Variants in GPC5 observed in about 807,000 individuals in gnomAD.
GPC5 encodes glypican-5.
GPC5 carries 47 observed loss-of-function variants against 53.9 expected under a neutral mutation model. The observed-to-expected ratio is 0.87, with a 90% CI of 0.69 to 1.11. The LOEUF (loss-of-function observed/expected upper bound fraction) is 1.11. GPC5 is among the 50% of genes most tolerant of loss of function. GPC5 has a pLI of 0.00. For synonymous variants in GPC5, 286 were observed against 263.3 expected, an observed-to-expected ratio of 1.09 and a Z score of -0.84; for missense variants, 748 against 713.1, an observed-to-expected ratio of 1.05 and a Z score of -0.56.
chr13:91,408,643 A>G (rs1055885356), intron 1 of GPC5, among the ~76,000 whole-genome samples: 2 of 152,210 alleles, frequency 1.3e-5, no homozygotes, highest in African/African-American at 4.8e-5. Context: ...ATAATTAGAT[A>G]TGGTCCAGCT....
chr13:92,280,013 C>T (rs1264474031), intron 7 of GPC5, among the ~76,000 whole-genome samples: 1 of 151,956 alleles, frequency 6.6e-6, no homozygotes, highest in Non-Finnish European at 1.5e-5. Context: ...TGATAGAATT[C>T]ACCAGAGAAG....
intron 7 of GPC5, among the ~76,000 whole-genome samples, chr13:92,834,414 C>G (rs1374060527): frequency 6.6e-6 from 1 of 152,092 alleles, no homozygotes; most frequent in Non-Finnish European, 1.5e-5. Flanking sequence ...ATTGCTTCTA[C>G]TAACTCTGAC....
intron 5 of GPC5, among the ~76,000 whole-genome samples, chr13:91,866,941 C>T (rs1429735709): frequency 3.3e-5 from 5 of 152,154 alleles, no homozygotes; most frequent in Admixed American, 2.6e-4. Flanking sequence ...GATGTGGGGA[C>T]GTGGTGGCTC....
intron 7 of GPC5, among the ~76,000 whole-genome samples, chr13:92,380,779 G>A (rs2043732639): frequency 8.2e-6 from 1 of 121,448 alleles, no homozygotes; most frequent in Admixed American, 9.8e-5. Flanking sequence ...GAGGGGGGAG[G>A]GATAGCACTG....
At chr13:92,160,397 C>T (rs1003386735) in intron 7 of GPC5, among the ~76,000 whole-genome samples, 1 of 152,072 alleles carries the variant, frequency 6.6e-6, no homozygotes, top group African/African-American at 2.4e-5. Context: ...TCTTCGGGTG[C>T]GGGGAGTAAA....
chr13:91,437,717 C>T (rs1880092923), intron 1 of GPC5, among the ~76,000 whole-genome samples: 1 of 152,164 alleles, frequency 6.6e-6, no homozygotes. Flanking sequence ...CATTGCTAGA[C>T]TGGGGAAGTT....
At chr13:92,514,209 A>G (rs531702251) in intron 7 of GPC5, among the ~76,000 whole-genome samples, 1 of 127,338 alleles carries the variant, frequency 7.9e-6, no homozygotes, top group Non-Finnish European at 1.6e-5. Context: ...GCTCCAATGT[A>G]AAACACACAC....
At position 91,653,654 on chromosome 13, in the gene GPC5, AAC is replaced by A. The variant is rs760908650; in HGVS notation, c.326-39530_326-39529del. Among the ~76,000 whole-genome samples the A allele has an allele frequency of 2.2e-3, 338 of 152,256 alleles. 8 individuals carry two copies. The highest frequency in any genetic ancestry group is 4.7e-4 in the Non-Finnish European group (32 of 68,008). On this transcript the variant is annotated intron_variant, in intron 2 of 7. Coordinates refer to ENST00000377067, the MANE Select transcript of GPC5 (RefSeq NM_004466.6). ...AATCCTTTTCCAGAACAATGTTGAG[AAC>A]ACTTTTCTTCTCCCTAGCTTCCCCC...
At chr13:92,047,430 C>CTG (rs2040991087) in intron 6 of GPC5, among the ~76,000 whole-genome samples, 1 of 100,554 alleles carries the variant, frequency 9.9e-6, no homozygotes, top group Non-Finnish European at 2.3e-5. Context: ...TCTTTTTAAA[C>CTG]TATATATATA....
chr13:92,036,888 T>C (rs1252782600), intron 6 of GPC5, among the ~76,000 whole-genome samples: 1 of 152,208 alleles, frequency 6.6e-6, no homozygotes, highest in Non-Finnish European at 1.5e-5. Context: ...TAACTCTTCC[T>C]ATAGTGATCT....
intron 7 of GPC5, among the ~76,000 whole-genome samples, chr13:92,780,515 T>C (rs1448220955): frequency 6.6e-6 from 1 of 151,996 alleles, no homozygotes; most frequent in East Asian, 1.9e-4. Flanking sequence ...ACTTTGCGTA[T>C]AGACAGTTAA....
At chr13:91,527,537 C>G (rs1886144180) in intron 2 of GPC5, among the ~76,000 whole-genome samples, 1 of 152,248 alleles carries the variant, frequency 6.6e-6, no homozygotes, top group Non-Finnish European at 1.5e-5. Context: ...CTTTTCCAGG[C>G]TCATGGGGTA....
intron 2 of GPC5, among the ~76,000 whole-genome samples, chr13:91,645,273 T>G (rs2034531305): frequency 6.6e-6 from 1 of 152,214 alleles, no homozygotes. Flanking sequence ...ATTTTTTATC[T>G]TGACTTTGAA....
chr13:92,785,244 C>A (rs1340894513), intron 7 of GPC5, among the ~76,000 whole-genome samples: 1 of 152,126 alleles, frequency 6.6e-6, no homozygotes, highest in Non-Finnish European at 1.5e-5. Context: ...CCCCTTCACT[C>A]CAGCCTGGGC....
intron 7 of GPC5, among the ~76,000 whole-genome samples, chr13:92,378,399 A>T (rs1201308936): frequency 6.6e-6 from 1 of 152,208 alleles, no homozygotes; most frequent in East Asian, 1.9e-4. Flanking sequence ...TACTCTTCAC[A>T]TATCCTTAGC....
chr13:91,606,582 T>C (rs1415691359), intron 2 of GPC5, among the ~76,000 whole-genome samples: 2 of 149,066 alleles, frequency 1.3e-5, no homozygotes, highest in Non-Finnish European at 3.0e-5. Flanking sequence ...ATCCATCTGG[T>C]CCTGGACTCT....
intron 7 of GPC5, among the ~76,000 whole-genome samples, chr13:92,312,671 A>G (rs1473864462): frequency 6.6e-6 from 1 of 152,176 alleles, no homozygotes; most frequent in African/African-American, 2.4e-5. Context: ...ATTTGTTGAC[A>G]TATTAAAGTG....
chr13:91,413,496 C>A (rs1020058826), intron 1 of GPC5, among the ~76,000 whole-genome samples: 2 of 152,224 alleles, frequency 1.3e-5, no homozygotes, highest in Non-Finnish European at 2.9e-5. Flanking sequence ...ATATACTTTA[C>A]AAATTTCTAT....
chr13:91,714,175 G>A (rs1009099934), intron 3 of GPC5, among the ~76,000 whole-genome samples: 2 of 152,048 alleles, frequency 1.3e-5, no homozygotes, highest in African/African-American at 4.8e-5. Context: ...CTCCTTCCTT[G>A]GTTAGCCTGG....
Sources: gnomAD v4.1 joint callset for allele counts (sites outside exome capture counted in the v4.1 genomes callset) on GRCh38, gnomAD v4.1.1 for gene constraint, MANE v1.5 for transcripts, NCBI Gene and HGNC (gene_info 2026-07-23, HGNC 2026-07-21) for gene names.